The following LGI3 variants were observed in gnomAD, a reference collection of about 807,000 sequenced individuals.
LGI3 encodes leucine-rich repeat LGI family member 3.
LGI3 carries 47 observed loss-of-function variants against 55.4 expected under a neutral mutation model. The observed-to-expected ratio is 0.85, with a 90% CI of 0.67 to 1.08. The LOEUF (loss-of-function observed/expected upper bound fraction) is 1.08. Among genes scored for constraint, LGI3 ranks in the 50% least tolerant of loss-of-function variants. The probability of loss-of-function intolerance (pLI) is 0.00; values close to 1 mark genes in which losing one functional copy is unlikely to be tolerated. For missense variants in LGI3, 664 were observed against 726.3 expected, an observed-to-expected ratio of 0.91 and a Z score of 0.99; for synonymous variants, 326 against 315.0, an observed-to-expected ratio of 1.04 and a Z score of -0.37.
intron 5 of LGI3, among the ~76,000 whole-genome samples, chr8:22,153,563 G>A (rs1463884684): frequency 1.3e-5 from 2 of 151,868 alleles, no homozygotes; most frequent in African/African-American, 2.4e-5. Context: ...TTAGCCGGGC[G>A]TGGTGGCGCA....
intron 7 of LGI3, 46 bp downstream of exon 7, chr8:22,151,443 C>T (rs377514835): frequency 1.3e-6 from 2 of 1,591,970 alleles, no homozygotes; most frequent in Non-Finnish European, 1.7e-6. Context: ...GCCCACTCCC[C>T]CCTCCCCCTA....
Position 22,147,857 on chromosome 8 carries a change from C to T in LGI3, c.*303G>A, listed in dbSNP as rs1333088391. The T allele has an allele frequency of 2.7e-6, 1 of 368,002 alleles. No individual in the cohort carries two copies. Among genetic ancestry groups the T allele is most frequent in the South Asian group, 4.1e-5 (1 of 24,562 alleles). The allele number at this position is 368,002 out of a possible 1,614,324, so 22.8% of individuals were successfully genotyped here. A position where few individuals can be genotyped will look rare whatever the true frequency, so the allele number is the denominator to read the frequency against. On this transcript the variant is annotated 3_prime_UTR_variant, in exon 8 of 8. Coordinates refer to ENST00000306317, the MANE Select transcript of LGI3 (RefSeq NM_139278.4). ...CTCGCTCCCAGCACCCCGCACCACT[C>T]GTGCATGAGACAGGGGGCAGAGCAT...
intron 5 of LGI3, among the ~76,000 whole-genome samples, chr8:22,152,610 C>T (rs1454916161): frequency 1.3e-5 from 2 of 151,910 alleles, no homozygotes; most frequent in South Asian, 2.1e-4. Flanking sequence ...GGCATGGTGG[C>T]GCACACCTGT....
Position 22,147,744 on chromosome 8 carries a change from C to T in LGI3, c.*416G>A. 5.5e-6 allele frequency: 1 copy of T among 181,968 alleles called. No individual in the cohort carries two copies. The highest frequency in any genetic ancestry group is 1.2e-4 in the South Asian group (1 of 8,204). 11.3% of individuals were successfully genotyped at this position (181,968 alleles called of 1,614,324 possible). On this transcript the variant is annotated 3_prime_UTR_variant, in exon 8 of 8. Coordinates refer to ENST00000306317, the MANE Select transcript of LGI3 (RefSeq NM_139278.4). ...TATGGCTGTGGGCTACAGCGGGGAG[C>T]AAGAGCAGGTAAACAATGCCTGGAG...
In LGI3 at chr8:22,154,543, C is replaced by T. The variant is rs1328755205; in HGVS notation, c.350+17G>A. ...CCTCCCTTCTGCTTTCCCATTGCCC[C>T]TTTCCCTCCCACACACAGATACTGC... On this transcript the variant is annotated intron_variant, in intron 3 of 7. Transcript: ENST00000306317. 3 of 1,612,270 alleles carry T rather than the reference C, an allele frequency of 1.9e-6. No homozygotes were observed. Among genetic ancestry groups the T allele is most frequent in the African/African-American group, 1.3e-5 (1 of 74,894 alleles).
chr8:22,155,416 G>C lies in LGI3; in HGVS notation c.254C>G (p.Ser85Cys). 1 of 1,613,934 alleles carries C rather than the reference G, an allele frequency of 6.2e-7. No homozygotes were observed. The highest frequency in any genetic ancestry group is 8.5e-7 in the Non-Finnish European group (1 of 1,179,990). ...AFSEIQDGAFSHLPLLQFLLL... is the reference protein window; with the variant it reads ...AFSEIQDGAFCHLPLLQFLLL... ...CAAGAACTGCAGCAGCGGGAGGTGG[G>C]AGAACGCTCCATCCTGGATCTCTGA... is the stretch of plus-strand genomic sequence containing the variant. The change falls in exon 2 of 8, where the codon TCC becomes TGC. Residue 85 changes from serine (S) to cysteine (C), a missense_variant. By Grantham distance (112) the Ser-to-Cys change is moderately radical (BLOSUM62 -1). Transcript: ENST00000306317.
At position 22,147,988 on chromosome 8, in the gene LGI3, C is replaced by T. The variant is rs959174138; in HGVS notation, c.*172G>A. ...TCATGCTGATTGCAGTGATGATGCACGTCCTCCTGGGCCAGTCCACGGGGT... is the reference window on the plus strand; with the variant it reads ...TCATGCTGATTGCAGTGATGATGCATGTCCTCCTGGGCCAGTCCACGGGGT... On this transcript the variant is annotated 3_prime_UTR_variant, in exon 8 of 8. Transcript: ENST00000306317. 3.8e-5 allele frequency: 23 copies of T among 607,948 alleles called. No individual in the cohort carries two copies. The highest frequency in any genetic ancestry group is 1.3e-4 in the Admixed American group (4 of 31,676). 37.7% of individuals were successfully genotyped at this position (607,948 alleles called of 1,614,324 possible). A position where few individuals can be genotyped will look rare whatever the true frequency, so the allele number is the denominator to read the frequency against.
At position 22,147,363 on chromosome 8, in the gene LGI3, C is replaced by T. The variant is rs765376104; in HGVS notation, c.*797G>A. 1 of 152,326 alleles carries T rather than the reference C, an allele frequency of 6.6e-6. No individual in the cohort carries two copies. Among genetic ancestry groups the T allele is most frequent in the Non-Finnish European group, 1.5e-5 (1 of 68,132 alleles). 9.4% of individuals were successfully genotyped at this position (152,326 alleles called of 1,614,324 possible). On this transcript the variant is annotated 3_prime_UTR_variant, in exon 8 of 8. Coordinates refer to ENST00000306317, the MANE Select transcript of LGI3 (RefSeq NM_139278.4). ...GAACAGAGACAGACACCCCTGGCAG[C>T]TCCCCGGGATTGCTTCTGCTGCTGT...
chr8:22,151,433 GC>G, intron 7 of LGI3, 55 bp downstream of exon 7: 1 of 1,544,248 alleles, frequency 6.5e-7, no homozygotes. Context: ...GAACGATGGA[GC>G]CCACTCCCCC....
intron 7 of LGI3, 63 bp downstream of exon 7, chr8:22,151,426 C>G (rs1287902953): frequency 6.6e-7 from 1 of 1,509,526 alleles, no homozygotes; most frequent in African/African-American, 1.4e-5. Context: ...TGGGGTTGAA[C>G]GATGGAGCCC....
At chr8:22,149,555 C>G (rs915471758) in intron 7 of LGI3, among the ~76,000 whole-genome samples, 3 of 152,154 alleles carry the variant, frequency 2.0e-5, no homozygotes, top group Admixed American at 1.3e-4. Context: ...GAAAACACAT[C>G]CTCCCAAGAG....
intron 5 of LGI3, among the ~76,000 whole-genome samples, chr8:22,152,497 A>G (rs994472371): frequency 1.3e-5 from 2 of 152,194 alleles, no homozygotes; most frequent in African/African-American, 4.8e-5. Flanking sequence ...TAATCCCAAC[A>G]CTTTGGGAGG....
In LGI3 at chr8:22,148,982, G is replaced by A. The variant is rs2131791743; in HGVS notation, c.830-5C>T. ...TGCAGTGCACTGCAGAGGGGGCTGT[G>A]CCAGGACAGAGGCAGACAGCATCAG... On this transcript the variant is annotated splice_region_variant and splice_polypyrimidine_tract_variant and intron_variant, in intron 7 of 7. Transcript: ENST00000306317. The surrounding 1 kb of genome is among the most constrained non-coding windows in gnomAD (Gnocchi z 7.0). 1 of 1,600,104 alleles carries A rather than the reference G, an allele frequency of 6.2e-7. No homozygotes were observed. The highest frequency in any genetic ancestry group is 8.5e-7 in the Non-Finnish European group (1 of 1,172,724).
chr8:22,155,289 T>C, intron 2 of LGI3, 103 bp downstream of exon 2: 1 of 1,058,718 alleles, frequency 9.4e-7, no homozygotes, highest in Non-Finnish European at 1.4e-6. Flanking sequence ...CATCTTCGTC[T>C]GCAGAGGCTG....
intron 5 of LGI3, among the ~76,000 whole-genome samples, 161 bp downstream of exon 5, chr8:22,153,807 T>C (rs1228797040): frequency 2.0e-5 from 3 of 151,606 alleles, no homozygotes; most frequent in Non-Finnish European, 4.4e-5. Context: ...AAGGCTACCA[T>C]CTATATCTAA....
chr8:22,148,146 G>C lies in LGI3; in HGVS notation c.*14C>G, dbSNP rs377425899. Reference sequence around the variant, plus strand: ...CAGTGGCCACCCTGAGGAGACCAGAGGCCTCGGCACCCCCTAGGCACTGAG... The same window carrying C: ...CAGTGGCCACCCTGAGGAGACCAGACGCCTCGGCACCCCCTAGGCACTGAG... On this transcript the variant is annotated 3_prime_UTR_variant, in exon 8 of 8. Transcript: ENST00000306317. This position sits in a 1 kb window ranked among gnomAD's most constrained non-coding sequence, Gnocchi z 7.0. The C allele has an allele frequency of 2.5e-4, 389 of 1,565,984 alleles. 1 individual carries two copies. The highest frequency in any genetic ancestry group is 3.2e-4 in the Non-Finnish European group (369 of 1,156,624).
At chr8:22,154,727 A>C in intron 2 of LGI3, 96 bp from the exon 3 acceptor site, 1 of 924,968 alleles carries the variant, frequency 1.1e-6, no homozygotes, top group Non-Finnish European at 1.8e-6. Context: ...CCAAGACATG[A>C]CTGCCCTGCT....
chr8:22,155,168 T>G, intron 2 of LGI3: 1 of 569,228 alleles, frequency 1.8e-6, no homozygotes, highest in South Asian at 2.0e-5. Context: ...TCCCACTTGC[T>G]TGGCTTCTCT....
intron 5 of LGI3, among the ~76,000 whole-genome samples, chr8:22,152,740 C>CAAA (rs558087211): frequency 4.5e-5 from 3 of 66,520 alleles, no homozygotes; most frequent in Non-Finnish European, 9.3e-5. Flanking sequence ...GACTCCGTCT[C>CAAA]AAAAAAAAAA....
Sources: gnomAD v4.1 joint callset for allele counts (sites outside exome capture counted in the v4.1 genomes callset) on GRCh38, gnomAD v4.1.1 for gene constraint, Gnocchi (gnomAD v3.1) non-coding constraint, MANE v1.5 for transcripts, NCBI Gene and HGNC (gene_info 2026-07-23, HGNC 2026-07-21) for gene names.